NFXL1: variants seen among roughly 807,000 people sequenced by gnomAD.
NFXL1 encodes the protein NF-X1-type zinc finger protein NFXL1.
In NFXL1, 66 loss-of-function variants were observed where a neutral mutation model predicts 123.3. The observed-to-expected ratio is 0.54, with a 90% CI of 0.44 to 0.66. NFXL1 has a LOEUF of 0.66. Ranked by LOEUF, NFXL1 falls within the 30% of genes least tolerant of loss-of-function variation. NFXL1 has a pLI of 0.00. For synonymous variants in NFXL1, 346 were observed against 360.8 expected (o/e 0.96, Z 0.46); for missense variants, 944 against 1,125.6 (o/e 0.84, Z 2.31).
At chr4:47,877,042 T>C (rs1444653882) in intron 17 of NFXL1, 2 of 1,254,700 alleles carry the variant, frequency 1.6e-6, no homozygotes, top group Non-Finnish European at 2.1e-6. Context: ...GCTCTTCCTA[T>C]GTGGTACACC....
chr4:47,911,814 G>A (rs887635960), intron 2 of NFXL1, among the ~76,000 whole-genome samples: 4 of 152,134 alleles, frequency 2.6e-5, no homozygotes, highest in Non-Finnish European at 5.9e-5. Flanking sequence ...TGAGAGCAAG[G>A]ACCACAGGGA....
intron 18 of NFXL1, among the ~76,000 whole-genome samples, chr4:47,870,238 T>TACAA (rs1735350172): frequency 1.3e-5 from 2 of 152,180 alleles, no homozygotes; most frequent in African/African-American, 2.4e-5. Flanking sequence ...CAATACAAAA[T>TACAA]TTAAAAATTA....
chr4:47,874,644 GA>G (rs1406538850), intron 18 of NFXL1, among the ~76,000 whole-genome samples: 4 of 152,166 alleles, frequency 2.6e-5, no homozygotes, highest in Non-Finnish European at 5.9e-5. Context: ...AAATGTGACA[GA>G]GACACAAAAT....
chr4:47,902,212 A>T (rs2110102518), intron 5 of NFXL1, among the ~76,000 whole-genome samples: 1 of 152,224 alleles, frequency 6.6e-6, no homozygotes, highest in South Asian at 2.1e-4. Flanking sequence ...TAAAAAAAAA[A>T]TTTAAACATA....
chr4:47,879,432 T>A (rs2110071521), intron 15 of NFXL1, among the ~76,000 whole-genome samples: 1 of 152,260 alleles, frequency 6.6e-6, no homozygotes, highest in South Asian at 2.1e-4. Flanking sequence ...AATCAAAGAT[T>A]TAAATAAATG....
At chr4:47,886,049 C>A in intron 12 of NFXL1, 50 bp from the exon 13 acceptor site, 2 of 1,561,936 alleles carry the variant, frequency 1.3e-6, no homozygotes, top group Non-Finnish European at 1.8e-6. Flanking sequence ...ACCCAAATGC[C>A]TATTAATGGT....
At chr4:47,893,921 GAAATAGTGA>G (rs1560599224) in intron 11 of NFXL1, among the ~76,000 whole-genome samples, 1 of 40,580 alleles carries the variant, frequency 2.5e-5, no homozygotes, top group Non-Finnish European at 5.4e-5. Context: ...TCAGTGATCA[GAAATAGTGA>G]TCAGAAATAT....
chr4:47,899,282 G>T, intron 6 of NFXL1, 88 bp downstream of exon 6: 1 of 1,333,710 alleles, frequency 7.5e-7, no homozygotes, highest in Non-Finnish European at 1.0e-6. Context: ...ACTAAACTGT[G>T]AATTCAACTT....
At chr4:47,900,529 A>C (rs1208622134) in intron 5 of NFXL1, among the ~76,000 whole-genome samples, 4 of 152,186 alleles carry the variant, frequency 2.6e-5, no homozygotes, top group Admixed American at 2.0e-4. Context: ...ATATAATTCG[A>C]ATGTGCCTAA....
chr4:47,899,112 G>A lies in NFXL1; in HGVS notation c.835C>T (p.Pro279Ser), dbSNP rs1390110099. Residue 279 changes from proline (P) to serine (S), a missense_variant, in exon 7 of 23, where the codon CCT becomes TCT. Pro to Ser is a moderately conservative substitution (Grantham distance 74, BLOSUM62 -1). Transcript: ENST00000507489. ...CLLLCHPGPCPPCPKMVTTTC... is the reference protein window; with the variant it reads ...CLLLCHPGPCSPCPKMVTTTC... ...GTTGTGACCATCTTTGGACAAGGAG[G>A]GCAGGGACCTAGAATTCAGTAAAAG... The A allele has an allele frequency of 6.3e-7, 1 of 1,581,148 alleles. No individual in the cohort carries two copies. Among genetic ancestry groups the A allele is most frequent in the Admixed American group, 1.8e-5 (1 of 54,254 alleles).
chr4:47,888,093 G>A (rs2110083288), intron 12 of NFXL1, among the ~76,000 whole-genome samples: 1 of 152,282 alleles, frequency 6.6e-6, no homozygotes, highest in Non-Finnish European at 1.5e-5. Context: ...AGCCAACATG[G>A]TGAAACCCCG....
chr4:47,883,763 A>C (rs550316992), intron 15 of NFXL1, among the ~76,000 whole-genome samples: 2 of 152,354 alleles, frequency 1.3e-5, no homozygotes, highest in African/African-American at 4.8e-5. Flanking sequence ...TGTAGACAAC[A>C]GCCCCTTTTC....
intron 19 of NFXL1, among the ~76,000 whole-genome samples, chr4:47,860,761 G>A (rs1734717621): frequency 6.6e-6 from 1 of 152,176 alleles, no homozygotes; most frequent in Non-Finnish European, 1.5e-5. Context: ...TGGACCAACA[G>A]TATCACTATT....
At chr4:47,897,699 C>G (rs549896163) in intron 9 of NFXL1, among the ~76,000 whole-genome samples, 2 of 152,230 alleles carry the variant, frequency 1.3e-5, no homozygotes, top group East Asian at 3.9e-4. Context: ...TATAGTATCA[C>G]ACGGAGGAGT....
At chr4:47,884,299 T>C in intron 15 of NFXL1, 47 bp downstream of exon 15, 1 of 1,142,470 alleles carries the variant, frequency 8.8e-7, no homozygotes, top group Non-Finnish European at 1.3e-6. Flanking sequence ...TTAAGCTATG[T>C]CAAAAGTTTT....
rs372670340 is a variant in NFXL1, at chr4:47,878,553, T to A, written c.2051A>T (p.Lys684Ile). ...TCMKECHKVT[K>I]TDGCTGKNKA... The stretch of plus-strand genomic sequence containing the variant: ...GTTTTTTCCAGTGCAGCCATCAGTT[T>A]TGGTTACTTTGTGGCATTCTTTCAT... The change falls in exon 17 of 23, where the codon AAA (lysine) becomes ATA (isoleucine). Residue 684 changes from lysine to isoleucine, a missense_variant. Around this residue, in one of 4 missense-constraint regions of NFXL1, gnomAD observed 301 missense variants for 348.0 expected, o/e 0.86. Coordinates refer to ENST00000507489, the MANE Select transcript of NFXL1 (RefSeq NM_001278624.2). 1.9e-5 allele frequency: 31 copies of A among 1,601,178 alleles called. No individual in the cohort carries two copies. Among genetic ancestry groups the A allele is most frequent in the Non-Finnish European group, 2.6e-5 (31 of 1,174,382 alleles).
intron 8 of NFXL1, 138 bp from the exon 9 acceptor site, chr4:47,898,219 T>C: frequency 3.3e-6 from 2 of 599,922 alleles, no homozygotes; most frequent in Non-Finnish European, 5.9e-6. Context: ...TTATATTTTA[T>C]ACAGGTGTCA....
chr4:47,910,750 C>A, intron 3 of NFXL1, 74 bp downstream of exon 3: 1 of 894,786 alleles, frequency 1.1e-6, no homozygotes, highest in East Asian at 2.6e-5. Flanking sequence ...CCATATAGAA[C>A]AAAGGCATTA....
intron 19 of NFXL1, among the ~76,000 whole-genome samples, chr4:47,857,884 G>T (rs564207553): frequency 6.6e-4 from 101 of 152,280 alleles, no homozygotes; most frequent in African/African-American, 2.4e-3. Context: ...GCCCCCTTAG[G>T]ATGCAGAGAT....
Sources: allele counts gnomAD v4.1 joint callset (sites outside exome capture counted in the v4.1 genomes callset), GRCh38; gene constraint gnomAD v4.1.1; regional missense constraint gnomAD v4.1.1; transcripts MANE v1.5; gene names NCBI Gene and HGNC (gene_info 2026-07-23, HGNC 2026-07-21).